The following MAP4 variants were observed in gnomAD, a reference collection of about 807,000 sequenced individuals.
The protein encoded by MAP4 is microtubule associated protein 4.
Under a neutral mutation model 170.2 loss-of-function variants are expected in MAP4, and 76 were observed. That is an observed-to-expected ratio of 0.45 (90% confidence interval 0.37 to 0.54). The LOEUF is 0.54. Ranked by LOEUF, MAP4 falls within the 20% of genes least tolerant of loss-of-function variation. The pLI, the probability that MAP4 is intolerant of heterozygous loss-of-function variation, is 0.00. For missense variants in MAP4, 2,506 were observed against 2,748.0 expected (o/e 0.91, Z 1.97); for synonymous variants, 909 against 994.5 (o/e 0.91, Z 1.62).
intron 3 of MAP4, among the ~76,000 whole-genome samples, chr3:47,930,891 T>C (rs1159440459): frequency 6.8e-6 from 1 of 146,178 alleles, no homozygotes; most frequent in African/African-American, 2.6e-5. Context: ...ATCACGCCAC[T>C]GCACTCCGGC....
intron 1 of MAP4, among the ~76,000 whole-genome samples, chr3:48,068,995 T>C (rs141418498): frequency 6.6e-6 from 1 of 152,358 alleles, no homozygotes; most frequent in African/African-American, 2.4e-5. Context: ...CCACAGTGTA[T>C]GCACCTAGAA....
intron 1 of MAP4, among the ~76,000 whole-genome samples, chr3:48,034,580 T>C (rs556464157): frequency 1.3e-5 from 2 of 152,194 alleles, no homozygotes; most frequent in South Asian, 4.2e-4. Context: ...GGCACACACC[T>C]GTAATCCCAG....
chr3:48,007,058 T>C (rs758133165), intron 1 of MAP4, among the ~76,000 whole-genome samples: 1 of 152,250 alleles, frequency 6.6e-6, no homozygotes, highest in Non-Finnish European at 1.5e-5. Context: ...CATAATCTTA[T>C]TTGGAGAGAT....
intron 3 of MAP4, among the ~76,000 whole-genome samples, chr3:47,951,876 C>T (rs1296140055): frequency 6.6e-6 from 1 of 151,584 alleles, no homozygotes; most frequent in African/African-American, 2.4e-5. Context: ...AGCGTCTCTG[C>T]CCGCCCGCCA....
chr3:47,957,025 G>A (rs1427833011), intron 3 of MAP4, among the ~76,000 whole-genome samples: 1 of 152,170 alleles, frequency 6.6e-6, no homozygotes, highest in Non-Finnish European at 1.5e-5. Flanking sequence ...CAGGGGTGAG[G>A]GAAGAGATTT....
At chr3:48,017,573 A>C (rs1559799961), upstream of MAP4, among the ~76,000 whole-genome samples, 1 of 150,764 alleles carries the variant, frequency 6.6e-6, no homozygotes, top group Non-Finnish European at 1.5e-5. Flanking sequence ...CATAATCATC[A>C]GCAGCTTTCC....
chr3:47,988,443 T>G (rs2100090239), intron 2 of MAP4, among the ~76,000 whole-genome samples: 1 of 151,330 alleles, frequency 6.6e-6, no homozygotes, highest in African/African-American at 2.4e-5. Flanking sequence ...TGAACATAGG[T>G]GAGGAGGAAA....
intron 3 of MAP4, among the ~76,000 whole-genome samples, chr3:47,953,326 T>A (rs772045999): frequency 6.6e-6 from 1 of 152,020 alleles, no homozygotes; most frequent in South Asian, 2.1e-4. Flanking sequence ...AGTTCAAGCC[T>A]AGAATGAGCA....
intron 1 of MAP4, among the ~76,000 whole-genome samples, chr3:48,068,264 CAA>C (rs34691079): frequency 1.6e-4 from 17 of 106,684 alleles, no homozygotes; most frequent in African/African-American, 4.1e-4. Flanking sequence ...GATTCTGTCT[CAA>C]AAAAAAAAAA....
rs759058536 is a variant in MAP4 at position 47,998,777 on chromosome 3, T to G, written c.84A>C (p.Thr28=). The G allele has an allele frequency of 6.2e-6, 10 of 1,613,964 alleles. No individual in the cohort carries two copies. The highest frequency in any genetic ancestry group is 7.6e-6 in the Non-Finnish European group (9 of 1,179,830). Residue 28 remains threonine (T), a synonymous_variant, in exon 2 of 21, where the codon ACA becomes ACC. Transcript: ENST00000683076. Reference sequence around the variant, plus strand: ...CATCATCAAAGGCCTCTGCCTCTAGTGTGGCAATGAAGTCCCGCTTTATCT... The same window carrying G: ...CATCATCAAAGGCCTCTGCCTCTAGGGTGGCAATGAAGTCCCGCTTTATCT... ...EGEIKRDFIA[T]LEAEAFDDVV... is the part of the protein sequence containing the mutation.
chr3:47,864,540 T>C (rs939961662), intron 17 of MAP4, among the ~76,000 whole-genome samples: 3 of 151,940 alleles, frequency 2.0e-5, no homozygotes, highest in African/African-American at 7.2e-5. Context: ...AGCTGGGCAT[T>C]GTGGCGGGCG....
intron 3 of MAP4, among the ~76,000 whole-genome samples, chr3:47,970,440 G>C (rs1300757764): frequency 1.3e-5 from 2 of 151,962 alleles, no homozygotes; most frequent in Non-Finnish European, 2.9e-5. Context: ...AGCTGAGATT[G>C]TGCCATTGCA....
intron 1 of MAP4, among the ~76,000 whole-genome samples, chr3:48,002,732 T>C (rs1355650069): frequency 6.7e-6 from 1 of 148,330 alleles, no homozygotes; most frequent in Non-Finnish European, 1.5e-5. Flanking sequence ...AACACAAAAA[T>C]TAGCTGGGCG....
intron 1 of MAP4, among the ~76,000 whole-genome samples, chr3:48,074,153 T>C (rs1359922945): frequency 6.6e-6 from 1 of 151,846 alleles, no homozygotes; most frequent in East Asian, 1.9e-4. Flanking sequence ...TTCATGTCCT[T>C]TGTAGGGACA....
intron 1 of MAP4, among the ~76,000 whole-genome samples, chr3:48,075,694 C>G (rs1271596007): frequency 6.6e-6 from 1 of 151,856 alleles, no homozygotes. Flanking sequence ...AGATTTTGGG[C>G]CGGGCGCAGT....
chr3:48,058,951 T>C (rs1321890729), intron 1 of MAP4, among the ~76,000 whole-genome samples: 1 of 152,018 alleles, frequency 6.6e-6, no homozygotes, highest in Admixed American at 6.6e-5. Context: ...GGCTAATTTT[T>C]GTATTTTTAG....
At chr3:47,988,284 T>C (rs760467169) in intron 2 of MAP4, among the ~76,000 whole-genome samples, 2 of 151,468 alleles carry the variant, frequency 1.3e-5, no homozygotes, top group African/African-American at 2.4e-5. Context: ...AAAAAAATTA[T>C]AGTATGTTTG....
intron 10 of MAP4, among the ~76,000 whole-genome samples, chr3:47,883,236 CT>C (rs1244993495): frequency 1.3e-5 from 2 of 150,784 alleles, no homozygotes; most frequent in Non-Finnish European, 3.0e-5. Flanking sequence ...TATTATATTC[CT>C]TTTTTTTTGG....
intron 3 of MAP4, among the ~76,000 whole-genome samples, chr3:47,935,782 C>A (rs571458075): frequency 6.6e-6 from 1 of 151,282 alleles, no homozygotes; most frequent in African/African-American, 2.4e-5. Context: ...ACTAAAAATA[C>A]AAAAATTAGC....
Sources: gnomAD v4.1 joint callset for allele counts (sites outside exome capture counted in the v4.1 genomes callset) on GRCh38, gnomAD v4.1.1 for gene constraint, MANE v1.5 for transcripts, NCBI Gene and HGNC (gene_info 2026-07-23, HGNC 2026-07-21) for gene names.